SPTBN1: variants seen among roughly 807,000 people sequenced by gnomAD.
The protein encoded by SPTBN1 is spectrin beta, non-erythrocytic 1.
Under a neutral mutation model 266.4 loss-of-function variants are expected in SPTBN1, and 32 were observed. The observed-to-expected ratio is 0.12, with a 90% CI of 0.09 to 0.16. The LOEUF (loss-of-function observed/expected upper bound fraction) is 0.16, where lower values mean the gene tolerates loss of function less well. SPTBN1 is among the 10% of genes least tolerant of loss of function. The pLI is 1.00. For synonymous variants in SPTBN1, 1,336 were observed against 1,162.2 expected, an observed-to-expected ratio of 1.15 and a Z score of -3.04; for missense variants, 2,296 against 3,067.1, an observed-to-expected ratio of 0.75 and a Z score of 5.94.
intron 17 of SPTBN1, among the ~76,000 whole-genome samples, chr2:54,637,464 A>G (rs1018224881): frequency 2.0e-5 from 3 of 152,210 alleles, no homozygotes; most frequent in African/African-American, 7.2e-5. Context: ...ACAAATTTGT[A>G]TAGATCATTT....
At chr2:54,513,128 CTG>C (rs1161363490) in intron 1 of SPTBN1, among the ~76,000 whole-genome samples, 1 of 152,138 alleles carries the variant, frequency 6.6e-6, no homozygotes, top group Non-Finnish European at 1.5e-5. Context: ...TGAGCCAACA[CTG>C]CACCACTGCA....
At chr2:54,577,556 A>T (rs10180713) in intron 2 of SPTBN1, among the ~76,000 whole-genome samples, 1 of 152,114 alleles carries the variant, frequency 6.6e-6, no homozygotes, top group Non-Finnish European at 1.5e-5. Context: ...GGTAATAGCC[A>T]CCAAAACTTC....
Position 54,628,343 on chromosome 2 carries a change from A to G in SPTBN1, c.1798+93A>G, listed in dbSNP as rs917143546. The G allele has an allele frequency of 1.3e-5, 19 of 1,429,824 alleles. No individual in the cohort carries two copies. Among genetic ancestry groups the G allele is most frequent in the Non-Finnish European group, 1.8e-5 (19 of 1,084,298 alleles). 88.6% of individuals were successfully genotyped at this position (1,429,824 alleles called of 1,614,324 possible). ...GGGCTTTTGAAGTTACTGTGCCACT[A>G]TACATTCCTGGTGGGTTTGTCATGG... On this transcript the variant is annotated intron_variant, in intron 13 of 35. Coordinates refer to ENST00000356805, the MANE Select transcript of SPTBN1 (RefSeq NM_003128.3). The surrounding 1 kb of genome is among the most constrained non-coding windows in gnomAD (Gnocchi z 4.3).
At chr2:54,501,822 G>C (rs1669286043) in intron 1 of SPTBN1, among the ~76,000 whole-genome samples, 1 of 152,210 alleles carries the variant, frequency 6.6e-6, no homozygotes, top group Non-Finnish European at 1.5e-5. Flanking sequence ...GCAAAGGTGG[G>C]GGACTGGGGA....
chr2:54,612,050 C>A, intron 3 of SPTBN1, 111 bp from the exon 4 acceptor site: 2 of 1,071,858 alleles, frequency 1.9e-6, no homozygotes, highest in Non-Finnish European at 2.7e-6. Flanking sequence ...TAATGTTCTG[C>A]TCTGAGCGGG....
In SPTBN1 at chr2:54,533,513, G is replaced by A. The variant is rs1573358641; in HGVS notation, c.148+6947G>A. On this transcript the variant is annotated intron_variant, in intron 2 of 35. Transcript: ENST00000356805. This position sits in a 1 kb window ranked among gnomAD's most constrained non-coding sequence, Gnocchi z 4.2. ...AGGAGGAGGAAACCTATTTACATGA[G>A]ACTATATATGTATACAAGTGCCTGG... Among the ~76,000 whole-genome samples the A allele has an allele frequency of 6.6e-6, 1 of 152,162 alleles. No individual in the cohort carries two copies. Among genetic ancestry groups the A allele is most frequent in the East Asian group, 1.9e-4 (1 of 5,176 alleles).
intron 2 of SPTBN1, among the ~76,000 whole-genome samples, chr2:54,596,115 C>A (rs1385872075): frequency 6.6e-6 from 1 of 152,190 alleles, no homozygotes; most frequent in Non-Finnish European, 1.5e-5. Flanking sequence ...CCTCCTCACG[C>A]AGCTAGCCCC....
In SPTBN1 at chr2:54,668,583, A is replaced by G; in HGVS notation, c.*14A>G. 6.3e-7 allele frequency: 1 copy of G among 1,593,074 alleles called. No homozygotes were observed. The highest frequency in any genetic ancestry group is 1.1e-5 in the South Asian group (1 of 88,578). ...AAAAAGAAATGAACTCCTTTCCTTCACCTCCTGCCCTTCTCTTACCTTTTC... is the reference window on the plus strand; with the variant it reads ...AAAAAGAAATGAACTCCTTTCCTTCGCCTCCTGCCCTTCTCTTACCTTTTC... On this transcript the variant is annotated 3_prime_UTR_variant, in exon 36 of 36. Transcript: ENST00000356805.
intron 1 of SPTBN1, among the ~76,000 whole-genome samples, chr2:54,523,056 A>G (rs937009717): frequency 6.6e-6 from 1 of 152,222 alleles, no homozygotes; most frequent in African/African-American, 2.4e-5. Flanking sequence ...TGAATTTTAT[A>G]AAAGTCTCTG....
intron 2 of SPTBN1, among the ~76,000 whole-genome samples, chr2:54,582,609 G>T (rs950593328): frequency 6.6e-6 from 1 of 151,976 alleles, no homozygotes; most frequent in African/African-American, 2.4e-5. Flanking sequence ...TCTGATGAGG[G>T]CTTCTGCACT....
chr2:54,581,931 C>T (rs1455734934), intron 2 of SPTBN1, among the ~76,000 whole-genome samples: 1 of 152,166 alleles, frequency 6.6e-6, no homozygotes, highest in African/African-American at 2.4e-5. Flanking sequence ...TGCGAGACAA[C>T]AGGCACTTCA....
intron 2 of SPTBN1, among the ~76,000 whole-genome samples, chr2:54,551,879 A>C (rs1672585309): frequency 6.6e-6 from 1 of 151,954 alleles, no homozygotes; most frequent in Non-Finnish European, 1.5e-5. Flanking sequence ...TGACAGCCCC[A>C]CCTCAAATAA....
At chr2:54,643,160 G>A in intron 19 of SPTBN1, 31 bp downstream of exon 19, 1 of 1,612,928 alleles carries the variant, frequency 6.2e-7, no homozygotes, top group Non-Finnish European at 8.5e-7. Flanking sequence ...TGGCCATGGT[G>A]AGAAAACAAA....
At chr2:54,579,352 C>T (rs1485084256) in intron 2 of SPTBN1, among the ~76,000 whole-genome samples, 1 of 152,148 alleles carries the variant, frequency 6.6e-6, no homozygotes, top group African/African-American at 2.4e-5. Flanking sequence ...TTTTTTGGGA[C>T]TGATTCTCTG....
chr2:54,636,081 C>A (rs368236552), intron 17 of SPTBN1, among the ~76,000 whole-genome samples: 7 of 152,322 alleles, frequency 4.6e-5, no homozygotes, highest in Admixed American at 2.0e-4. Flanking sequence ...TTAATCCCAT[C>A]TGTAGCATAT....
intron 1 of SPTBN1, among the ~76,000 whole-genome samples, chr2:54,475,437 T>C (rs1667776974): frequency 6.6e-6 from 1 of 152,096 alleles, no homozygotes; most frequent in African/African-American, 2.4e-5. Flanking sequence ...AGATATGCAG[T>C]CCCTTCTCTC....
intron 2 of SPTBN1, among the ~76,000 whole-genome samples, chr2:54,586,116 C>G (rs571692026): frequency 6.6e-6 from 1 of 152,244 alleles, no homozygotes; most frequent in South Asian, 2.1e-4. Context: ...CACAGTTGTT[C>G]GTGACTTCTG....
chr2:54,492,264 A>G (rs1051613052), intron 1 of SPTBN1, among the ~76,000 whole-genome samples: 1 of 148,686 alleles, frequency 6.7e-6, no homozygotes, highest in African/African-American at 2.5e-5. Flanking sequence ...AACACTTTTT[A>G]TGGCTGTATA....
chr2:54,629,730 G>T lies in SPTBN1; in HGVS notation c.2596G>T (p.Asp866Tyr), dbSNP rs755679177. The part of the protein sequence containing the change: ...SEADACELWI[D>Y]EKEQWLNNMQ... The stretch of plus-strand genomic sequence containing the variant: ...GGCTGATGCCTGTGAGCTCTGGATC[G>T]ACGAGAAGGAGCAGTGGCTCAACAA... The change falls in exon 14 of 36, where the codon GAC becomes TAC. Residue 866 changes from aspartate to tyrosine, a missense_variant. Coordinates refer to ENST00000356805, the MANE Select transcript of SPTBN1 (RefSeq NM_003128.3). 6.2e-7 allele frequency: 1 copy of T among 1,612,396 alleles called. No homozygotes were observed. The highest frequency in any genetic ancestry group is 8.5e-7 in the Non-Finnish European group (1 of 1,180,012).
Sources: allele counts gnomAD v4.1 joint callset (sites outside exome capture counted in the v4.1 genomes callset), GRCh38; gene constraint gnomAD v4.1.1; non-coding constraint Gnocchi (gnomAD v3.1); transcripts MANE v1.5; gene names NCBI Gene and HGNC (gene_info 2026-07-23, HGNC 2026-07-21).